Variants in FBXL7 observed in about 807,000 individuals in gnomAD.
FBXL7 encodes the protein F-box/LRR-repeat protein 7.
Under a neutral mutation model 38.3 loss-of-function variants are expected in FBXL7, and 12 were observed. That is an observed-to-expected ratio of 0.31 (90% CI 0.20 to 0.51). FBXL7 has a LOEUF of 0.51. Among genes scored for constraint, FBXL7 ranks in the 20% least tolerant of loss-of-function variants. The pLI is 0.98. For synonymous variants in FBXL7, 297 were observed against 300.9 expected, an observed-to-expected ratio of 0.99 and a Z score of 0.13; for missense variants, 567 against 676.4, an observed-to-expected ratio of 0.84 and a Z score of 1.79.
chr5:15,785,882 G>A (rs1161708501), intron 2 of FBXL7, among the ~76,000 whole-genome samples: 2 of 152,212 alleles, frequency 1.3e-5, no homozygotes, highest in Non-Finnish European at 2.9e-5. Context: ...GAAATCCCCG[G>A]CTTTGACTGC....
chr5:15,592,782 G>A lies in FBXL7; in HGVS notation c.38-23201G>A, dbSNP rs182971793. 1.1e-4 allele frequency among the ~76,000 whole-genome samples: 16 copies of A among 152,296 alleles called. No individual in the cohort carries two copies. The East Asian group carries it at 1.4e-3, about 13-fold the overall frequency. On this transcript the variant is annotated intron_variant, in intron 1 of 3. Coordinates refer to ENST00000504595, the MANE Select transcript of FBXL7 (RefSeq NM_012304.5). ...GCTCCTAACCTTTAGGTCACACAGA[G>A]AAAAGAAGTTTTATTAGTGAGAGGT...
chr5:15,590,663 A>G (rs112734907), intron 1 of FBXL7, among the ~76,000 whole-genome samples: 9 of 152,072 alleles, frequency 5.9e-5, no homozygotes, highest in East Asian at 5.9e-4. Context: ...ATTGCCCCCA[A>G]TCAGGTCTGA....
chr5:15,891,624 A>G lies in FBXL7; in HGVS notation c.128-36266A>G, dbSNP rs73752359. Among the ~76,000 whole-genome samples the G allele has an allele frequency of 6.9e-3, 1,052 of 152,342 alleles. 20 individuals are homozygous for G. The highest frequency in any genetic ancestry group is 0.024 in the African/African-American group (1,001 of 41,574). ...ATGTCAGATGGTGGTAAGTACCGCC[A>G]GGATAAAGTATCATAAATGAGTGAG... On this transcript the variant is annotated intron_variant, in intron 2 of 3. Coordinates refer to ENST00000504595, the MANE Select transcript of FBXL7 (RefSeq NM_012304.5).
intron 2 of FBXL7, among the ~76,000 whole-genome samples, chr5:15,792,458 C>T (rs577964373): frequency 6.6e-6 from 1 of 152,110 alleles, no homozygotes; most frequent in South Asian, 2.1e-4. Context: ...TTTGAAAGCT[C>T]AATGTCTGAA....
At chr5:15,901,976 T>C (rs1741243915) in intron 2 of FBXL7, among the ~76,000 whole-genome samples, 1 of 152,222 alleles carries the variant, frequency 6.6e-6, no homozygotes. Flanking sequence ...AGTGATGTGA[T>C]GATTATATGG....
At chr5:15,689,050 G>A (rs1019182192) in intron 2 of FBXL7, among the ~76,000 whole-genome samples, 1 of 152,100 alleles carries the variant, frequency 6.6e-6, no homozygotes. Context: ...GTGAGACCAT[G>A]GGCAGGACAT....
intron 2 of FBXL7, among the ~76,000 whole-genome samples, chr5:15,756,624 G>A (rs1736305487): frequency 6.6e-6 from 1 of 152,130 alleles, no homozygotes; most frequent in South Asian, 2.1e-4. Flanking sequence ...TATTAGCTGT[G>A]CTGTTCTTAA....
chr5:15,778,243 A>G (rs979709146), intron 2 of FBXL7, among the ~76,000 whole-genome samples: 1 of 151,982 alleles, frequency 6.6e-6, no homozygotes, highest in Non-Finnish European at 1.5e-5. Context: ...CCCCCTTTCA[A>G]ATATTTTTCA....
chr5:15,716,044 G>A (rs1294072823), intron 2 of FBXL7, among the ~76,000 whole-genome samples: 1 of 152,204 alleles, frequency 6.6e-6, no homozygotes, highest in Non-Finnish European at 1.5e-5. Context: ...TCATAAAGCT[G>A]TGTCAGTGTT....
At chr5:15,620,409 T>C (rs7380704) in intron 2 of FBXL7, among the ~76,000 whole-genome samples, 1 of 126,524 alleles carries the variant, frequency 7.9e-6, no homozygotes, top group Non-Finnish European at 1.6e-5. Context: ...ATTTTTTGTT[T>C]TTTGTTTTTT....
At chr5:15,688,836 G>A (rs1168969011) in intron 2 of FBXL7, among the ~76,000 whole-genome samples, 2 of 152,314 alleles carry the variant, frequency 1.3e-5, no homozygotes, top group African/African-American at 2.4e-5. Flanking sequence ...GTATGTTTAT[G>A]TAGGCAGTGC....
chr5:15,647,809 G>A (rs979624893), intron 2 of FBXL7, among the ~76,000 whole-genome samples: 5 of 152,208 alleles, frequency 3.3e-5, no homozygotes, highest in African/African-American at 1.2e-4. Flanking sequence ...GTAGGCAATA[G>A]TTTCTCATTT....
chr5:15,927,764 T>TAAAAACAAAAAAAAAAAAAA (rs1741915630), intron 2 of FBXL7, 126 bp from the exon 3 acceptor site: 1 of 401,974 alleles, frequency 2.5e-6, no homozygotes, highest in African/African-American at 3.8e-5. Flanking sequence ...GACAAGATCT[T>TAAAAACAAAAAAAAAAAAAA]AAAAAAAAAA....
intron 2 of FBXL7, among the ~76,000 whole-genome samples, chr5:15,694,978 A>G (rs979049528): frequency 6.6e-6 from 1 of 152,170 alleles, no homozygotes; most frequent in Non-Finnish European, 1.5e-5. Flanking sequence ...TAGCTATAAA[A>G]CAGAGAGCTT....
intron 2 of FBXL7, among the ~76,000 whole-genome samples, chr5:15,758,276 A>G (rs1736351849): frequency 1.3e-5 from 2 of 152,190 alleles, no homozygotes; most frequent in South Asian, 4.1e-4. Context: ...ATCTTTATAT[A>G]GTCTTAAGGC....
intron 2 of FBXL7, among the ~76,000 whole-genome samples, chr5:15,879,903 A>G (rs942046279): frequency 6.6e-6 from 1 of 152,204 alleles, no homozygotes; most frequent in Non-Finnish European, 1.5e-5. Context: ...TTCTAAATCC[A>G]TATGAATTAA....
At chr5:15,623,586 C>T (rs12187510) in intron 2 of FBXL7, among the ~76,000 whole-genome samples, 13,248 of 152,192 alleles carry the variant, frequency 0.087, 633 homozygotes, top group South Asian at 0.13. Context: ...GCTTTGCTTT[C>T]GTTCTGTTGT....
chr5:15,699,838 C>T (rs1360702986), intron 2 of FBXL7, among the ~76,000 whole-genome samples: 1 of 152,102 alleles, frequency 6.6e-6, no homozygotes, highest in African/African-American at 2.4e-5. Flanking sequence ...AGATCACAGC[C>T]CTAATTGATG....
intron 2 of FBXL7, among the ~76,000 whole-genome samples, chr5:15,712,685 A>T (rs1449401170): frequency 2.0e-5 from 3 of 152,058 alleles, no homozygotes; most frequent in Admixed American, 6.5e-5. Context: ...AAATTTAAAA[A>T]AAAAAGAAAA....
Sources: allele counts gnomAD v4.1 joint callset (sites outside exome capture counted in the v4.1 genomes callset), GRCh38; gene constraint gnomAD v4.1.1; transcripts MANE v1.5; gene names NCBI Gene and HGNC (gene_info 2026-07-23, HGNC 2026-07-21).